Variants in CTNNA3 observed in about 807,000 individuals in gnomAD.
CTNNA3 encodes the protein catenin alpha-3.
A neutral mutation model predicts 95.7 loss-of-function variants in CTNNA3; 76 were observed. The observed-to-expected ratio is 0.79, with a 90% CI of 0.66 to 0.96. CTNNA3 has a LOEUF of 0.96. Among genes scored for constraint, CTNNA3 ranks in the 40% least tolerant of loss-of-function variants. The pLI is 0.00. For missense variants in CTNNA3, 1,191 were observed against 1,089.8 expected (o/e 1.09, Z -1.31); for synonymous variants, 431 against 374.4 (o/e 1.15, Z -1.74).
chr10:66,541,557 T>G (rs1262996973), intron 10 of CTNNA3, among the ~76,000 whole-genome samples: 1 of 152,198 alleles, frequency 6.6e-6, no homozygotes, highest in East Asian at 1.9e-4. Flanking sequence ...AGGATTTTAA[T>G]GTATTGTTAG....
At chr10:66,989,984 A>C (rs1172857584) in intron 7 of CTNNA3, among the ~76,000 whole-genome samples, 1 of 152,180 alleles carries the variant, frequency 6.6e-6, no homozygotes, top group Non-Finnish European at 1.5e-5. Flanking sequence ...TAGTTTATAC[A>C]CACATTTTCA....
intron 15 of CTNNA3, among the ~76,000 whole-genome samples, chr10:66,033,364 T>C (rs575855984): frequency 1.3e-5 from 2 of 152,106 alleles, no homozygotes; most frequent in South Asian, 2.1e-4. Context: ...CTCGATCTCC[T>C]GACCTCGTGG....
At chr10:66,572,767 A>G (rs1340313116) in intron 10 of CTNNA3, among the ~76,000 whole-genome samples, 1 of 152,138 alleles carries the variant, frequency 6.6e-6, no homozygotes, top group Non-Finnish European at 1.5e-5. Flanking sequence ...AAGAGAGGAG[A>G]GAAAATAGAC....
chr10:67,014,738 G>T (rs1852551009), intron 7 of CTNNA3, among the ~76,000 whole-genome samples: 1 of 151,698 alleles, frequency 6.6e-6, no homozygotes. Flanking sequence ...GTTTCAGAAA[G>T]TTTCACTTTA....
intron 7 of CTNNA3, among the ~76,000 whole-genome samples, chr10:67,137,354 C>CAA (rs1860350047): frequency 1.3e-5 from 2 of 152,114 alleles, no homozygotes; most frequent in African/African-American, 4.8e-5. Flanking sequence ...CACAGTTCCG[C>CAA]AAATAGATTG....
At chr10:66,992,094 C>T (rs1297541090) in intron 7 of CTNNA3, among the ~76,000 whole-genome samples, 1 of 152,160 alleles carries the variant, frequency 6.6e-6, no homozygotes, top group Non-Finnish European at 1.5e-5. Context: ...TCAGATGTTG[C>T]CAAATTGCTC....
chr10:66,373,911 T>C (rs995770149), intron 12 of CTNNA3, among the ~76,000 whole-genome samples: 12 of 152,252 alleles, frequency 7.9e-5, no homozygotes, highest in African/African-American at 2.7e-4. Flanking sequence ...TGGAAGTGGC[T>C]AAGATCTAAC....
chr10:66,210,891 A>T (rs1589741436), intron 13 of CTNNA3, among the ~76,000 whole-genome samples: 1 of 152,192 alleles, frequency 6.6e-6, no homozygotes, highest in South Asian at 2.1e-4. Context: ...CCTTGTACAT[A>T]TAGAAAGCCA....
chr10:67,234,040 G>C (rs915170267), intron 5 of CTNNA3, among the ~76,000 whole-genome samples: 4 of 152,192 alleles, frequency 2.6e-5, no homozygotes, highest in Non-Finnish European at 5.9e-5. Flanking sequence ...CAACCAAAAA[G>C]AGTCCAGGAC....
intron 5 of CTNNA3, among the ~76,000 whole-genome samples, chr10:67,265,208 T>C (rs149729455): frequency 2.0e-4 from 31 of 152,284 alleles, no homozygotes; most frequent in Middle Eastern, 3.4e-3. Flanking sequence ...ACTCAACCAT[T>C]CATCCTTATA....
intron 3 of CTNNA3, among the ~76,000 whole-genome samples, chr10:67,549,208 C>T (rs1352801236): frequency 6.6e-6 from 1 of 151,898 alleles, no homozygotes; most frequent in Non-Finnish European, 1.5e-5. Context: ...GAAACTGTCA[C>T]TTTAATAACT....
At chr10:66,116,513 G>A (rs141665331) in intron 13 of CTNNA3, among the ~76,000 whole-genome samples, 47 of 152,150 alleles carry the variant, frequency 3.1e-4, no homozygotes, top group African/African-American at 1.1e-3. Context: ...TTAACAAATG[G>A]TATGCCCATT....
intron 7 of CTNNA3, among the ~76,000 whole-genome samples, chr10:67,112,921 G>A (rs181114292): frequency 6.6e-5 from 10 of 152,064 alleles, no homozygotes; most frequent in Admixed American, 6.5e-4. Flanking sequence ...AGCTAGGTCT[G>A]GAAAAAAGAT....
intron 9 of CTNNA3, among the ~76,000 whole-genome samples, chr10:66,667,143 A>G (rs1184270832): frequency 1.3e-5 from 2 of 151,892 alleles, no homozygotes; most frequent in African/African-American, 4.8e-5. Flanking sequence ...CGAGGTTTCC[A>G]GTGTGTTTGG....
chr10:66,683,074 C>G (rs1409954063), intron 9 of CTNNA3, among the ~76,000 whole-genome samples: 2 of 152,094 alleles, frequency 1.3e-5, no homozygotes, highest in African/African-American at 4.8e-5. Context: ...ATCCACCCGT[C>G]AAATAAAGCT....
intron 13 of CTNNA3, among the ~76,000 whole-genome samples, chr10:66,244,111 C>T (rs1589833579): frequency 6.6e-6 from 1 of 152,142 alleles, no homozygotes; most frequent in East Asian, 1.9e-4. Context: ...AGTGGCCTGG[C>T]AGAACTCTCC....
chr10:66,411,495 A>G (rs531250714), intron 11 of CTNNA3, among the ~76,000 whole-genome samples: 1 of 152,126 alleles, frequency 6.6e-6, no homozygotes, highest in East Asian at 1.9e-4. Context: ...GATAATTACC[A>G]TGAGGTAATT....
At chr10:66,922,230 G>T (rs1846824868) in intron 7 of CTNNA3, among the ~76,000 whole-genome samples, 1 of 152,178 alleles carries the variant, frequency 6.6e-6, no homozygotes, top group Non-Finnish European at 1.5e-5. Flanking sequence ...GGTTTGTTCT[G>T]TATGCGATAT....
At chr10:66,909,534 TAAA>T (rs1846134232) in intron 7 of CTNNA3, among the ~76,000 whole-genome samples, 1 of 151,586 alleles carries the variant, frequency 6.6e-6, no homozygotes, top group Non-Finnish European at 1.5e-5. Flanking sequence ...AATAAATAAA[TAAA>T]TAAATCACTA....
Sources: gnomAD v4.1 joint callset for allele counts (sites outside exome capture counted in the v4.1 genomes callset) on GRCh38, gnomAD v4.1.1 for gene constraint, MANE v1.5 for transcripts, NCBI Gene and HGNC (gene_info 2026-07-23, HGNC 2026-07-21) for gene names.